Variants in RECK observed in about 807,000 individuals in gnomAD.
RECK encodes reversion-inducing cysteine-rich protein with Kazal motifs.
RECK carries 69 observed loss-of-function variants against 115.1 expected under a neutral mutation model. The ratio of observed to expected loss-of-function variants is 0.60; its 90% CI spans 0.49 to 0.73. The LOEUF is 0.73. Among genes scored for constraint, RECK ranks in the 30% least tolerant of loss-of-function variants. The pLI is 0.00. For missense variants in RECK, 1,047 were observed against 1,203.7 expected, an observed-to-expected ratio of 0.87 and a Z score of 1.93; for synonymous variants, 414 against 419.7, an observed-to-expected ratio of 0.99 and a Z score of 0.17.
Position 36,094,560 on chromosome 9 carries a change from T to C in RECK, c.1085+3217T>C, listed in dbSNP as rs73648712. ...AAGACAGAAAGAAAAAGGAGACAAA[T>C]TGAAAACCACAGCAAAATGATAGAG... On this transcript the variant is annotated intron_variant, in intron 10 of 20. Transcript: ENST00000377966. The surrounding 1 kb of genome is among the most constrained non-coding windows in gnomAD (Gnocchi z 4.1). Among the ~76,000 whole-genome samples the C allele has an allele frequency of 3.3e-3, 501 of 152,042 alleles. 3 individuals are homozygous for C. Among genetic ancestry groups the C allele is most frequent in the African/African-American group, 0.011 (467 of 41,494 alleles).
Position 36,117,018 on chromosome 9 carries a change from T to A in RECK, c.2094T>A (p.Thr698=), listed in dbSNP as rs757015118. 1 of 1,613,010 alleles carries A rather than the reference T, an allele frequency of 6.2e-7. No homozygotes were observed. The highest frequency in any genetic ancestry group is 1.7e-5 in the Admixed American group (1 of 59,910). The stretch of plus-strand genomic sequence containing the variant: ...CCAAACCACAGGTCTGCCTGACGAC[T>A]TTTGATAAATTTGGATGTAGCCAGT... The part of the protein sequence containing the change: ...CIPKPQVCLT[T]FDKFGCSQYE... The change falls in exon 17 of 21, where the codon ACT becomes ACA. Residue 698 remains threonine, a synonymous_variant. Coordinates refer to ENST00000377966, the MANE Select transcript of RECK (RefSeq NM_021111.3).
intron 1 of RECK, among the ~76,000 whole-genome samples, chr9:36,041,762 A>G (rs1332439247): frequency 7.1e-6 from 1 of 141,238 alleles, no homozygotes; most frequent in African/African-American, 2.7e-5. Flanking sequence ...CTCTCCCTCA[A>G]TCAGCTTCCT....
chr9:36,086,030 G>C (rs1294180179), intron 8 of RECK: 1 of 151,990 alleles, frequency 6.6e-6, no homozygotes, highest in Non-Finnish European at 1.5e-5. Context: ...CCAATACAGA[G>C]GAATCTGGAA....
chr9:36,036,939 A>C lies in RECK; in HGVS notation c.-60A>C. On this transcript the variant is annotated 5_prime_UTR_variant, in exon 1 of 21. Transcript: ENST00000377966. ...CGCGAGCGGCGGCGGTAGCGGCGGC[A>C]GCGGCTGCGGCCAAGCTGGGTCCGA... 1 of 1,141,960 alleles carries C rather than the reference A, an allele frequency of 8.8e-7. No individual in the cohort carries two copies. Among genetic ancestry groups the C allele is most frequent in the Non-Finnish European group, 1.1e-6 (1 of 891,280 alleles). 70.7% of individuals were successfully genotyped at this position (1,141,960 alleles called of 1,614,324 possible).
chr9:36,112,844 T>G (rs887445829), intron 16 of RECK, among the ~76,000 whole-genome samples: 1 of 152,232 alleles, frequency 6.6e-6, no homozygotes, highest in Non-Finnish European at 1.5e-5. Context: ...CTCCGTAACA[T>G]TGTTATCTCC....
At chr9:36,072,019 T>G (rs1012014855) in intron 6 of RECK, among the ~76,000 whole-genome samples, 1 of 152,176 alleles carries the variant, frequency 6.6e-6, no homozygotes, top group Non-Finnish European at 1.5e-5. Context: ...TTTGAGATAT[T>G]TTCTGCATAT....
At chr9:36,122,712 G>A in intron 20 of RECK, 112 bp from the exon 21 acceptor site, 1 of 739,056 alleles carries the variant, frequency 1.4e-6, no homozygotes, top group Non-Finnish European at 2.3e-6. Context: ...CAAAGAGAAA[G>A]TAAATGCCCT....
At chr9:36,100,303 G>A (rs1823510906) in intron 10 of RECK, 28 bp from the exon 11 acceptor site, 1 of 1,580,846 alleles carries the variant, frequency 6.3e-7, no homozygotes, top group Non-Finnish European at 8.7e-7. Context: ...ATTGCCTCTT[G>A]ATTCTTTCTG....
intron 4 of RECK, among the ~76,000 whole-genome samples, chr9:36,062,725 G>A (rs1415338139): frequency 2.6e-5 from 4 of 151,410 alleles, no homozygotes; most frequent in African/African-American, 7.3e-5. Context: ...TGATCTGCCC[G>A]CTTTGGCCTC....
chr9:36,052,198 A>ATC, intron 1 of RECK, 67 bp from the exon 2 acceptor site: 1 of 934,660 alleles, frequency 1.1e-6, no homozygotes, highest in South Asian at 1.3e-5. Context: ...TTGTGTAACC[A>ATC]TCTGAATTAG....
intron 16 of RECK, among the ~76,000 whole-genome samples, chr9:36,115,420 A>G (rs7045247): frequency 0.026 from 3,907 of 150,458 alleles, 179 homozygotes; most frequent in African/African-American, 0.088. Flanking sequence ...ATAACAACAA[A>G]CAAGACAGAT....
At chr9:36,061,037 A>G (rs1221049085) in intron 4 of RECK, among the ~76,000 whole-genome samples, 1 of 151,976 alleles carries the variant, frequency 6.6e-6, no homozygotes, top group Non-Finnish European at 1.5e-5. Context: ...TTATTCTTAC[A>G]CTCGTGGGAT....
At chr9:36,116,541 T>TG (rs1242537661) in intron 16 of RECK, among the ~76,000 whole-genome samples, 1 of 152,230 alleles carries the variant, frequency 6.6e-6, no homozygotes, top group Non-Finnish European at 1.5e-5. Context: ...GCCTATCTCT[T>TG]GGCCTCATAT....
At position 36,112,309 on chromosome 9, in the gene RECK, G is replaced by T. The variant is rs144862936; in HGVS notation, c.1893G>T (p.Leu631=). ...SEDDRRTFTG[L]PCNCADQFVP... ...GAGGCTGTTTCCTCTCCTCAGGTCT[G>T]CCCTGTAACTGTGCAGATCAGTTTG... Residue 631 remains leucine, a synonymous_variant, in exon 16 of 21, where the codon CTG becomes CTT. Transcript: ENST00000377966. 6.2e-7 allele frequency: 1 copy of T among 1,612,860 alleles called. No individual in the cohort carries two copies. The highest frequency in any genetic ancestry group is 8.5e-7 in the Non-Finnish European group (1 of 1,179,894).
rs995509344 is a variant in RECK, at chr9:36,037,041, C to A, written c.43C>A (p.Leu15Met). 1.4e-6 allele frequency: 2 copies of A among 1,411,942 alleles called. No individual in the cohort carries two copies. Among genetic ancestry groups the A allele is most frequent in the Admixed American group, 5.9e-5 (2 of 33,922 alleles). The allele number at this position is 1,411,942 out of a possible 1,614,324, so 87.5% of individuals were successfully genotyped here. A position where few individuals can be genotyped will look rare whatever the true frequency, so the allele number is the denominator to read the frequency against. ...RASLRGALLL[L>M]LAVAGVAEVA... ...CTCTCTGCGAGGTGCGCTGCTCCTT[C>A]TGCTGGCCGTGGCGGGGGTCGCGGA... Residue 15 changes from leucine (L) to methionine (M), a missense_variant, in exon 1 of 21, where the codon CTG (leucine) becomes ATG (methionine). By Grantham distance (15) the Leu-to-Met change is conservative. Transcript: ENST00000377966.
At chr9:36,050,650 A>G (rs146266901) in intron 1 of RECK, among the ~76,000 whole-genome samples, 1 of 152,294 alleles carries the variant, frequency 6.6e-6, no homozygotes, top group Non-Finnish European at 1.5e-5. Context: ...TTCTCAGAGT[A>G]AAAGCCAAAG....
intron 10 of RECK, among the ~76,000 whole-genome samples, chr9:36,091,582 G>C (rs764768479): frequency 1.3e-5 from 2 of 152,122 alleles, no homozygotes; most frequent in African/African-American, 2.4e-5. Context: ...CTCTTCTGCC[G>C]TCAGTCCCCT....
At chr9:36,040,218 G>A (rs996003673) in intron 1 of RECK, among the ~76,000 whole-genome samples, 7 of 152,180 alleles carry the variant, frequency 4.6e-5, no homozygotes, top group African/African-American at 1.7e-4. Context: ...TGATTTCTAG[G>A]TATGATAAGG....
chr9:36,112,948 G>T (rs1177984998), intron 16 of RECK, among the ~76,000 whole-genome samples: 2 of 152,172 alleles, frequency 1.3e-5, no homozygotes, highest in African/African-American at 4.8e-5. Context: ...CAAGAGAAAA[G>T]GGTGTATTCT....
Sources: gnomAD v4.1 joint callset for allele counts (sites outside exome capture counted in the v4.1 genomes callset) on GRCh38, gnomAD v4.1.1 for gene constraint, Gnocchi (gnomAD v3.1) non-coding constraint, MANE v1.5 for transcripts, NCBI Gene and HGNC (gene_info 2026-07-23, HGNC 2026-07-21) for gene names.